The following PAMR1 variants were observed in gnomAD, a reference collection of about 807,000 sequenced individuals.
The protein encoded by PAMR1 is peptidase domain containing associated with muscle regeneration 1.
PAMR1 carries 88 observed loss-of-function variants against 81.8 expected under a neutral mutation model. That is an observed-to-expected ratio of 1.08 (90% CI 0.91 to 1.28). PAMR1 has a LOEUF of 1.28. Among genes scored for constraint, PAMR1 ranks in the 50% most tolerant of loss-of-function variants. PAMR1 has a pLI of 0.00. For missense variants in PAMR1, 935 were observed against 919.7 expected (o/e 1.02, Z -0.21); for synonymous variants, 336 against 345.3 (o/e 0.97, Z 0.30).
chr11:35,485,920 C>A (rs570539474), intron 3 of PAMR1, among the ~76,000 whole-genome samples: 1 of 152,206 alleles, frequency 6.6e-6, no homozygotes. Context: ...CATGGGGCTC[C>A]GGCGCTGTGT....
intron 6 of PAMR1, among the ~76,000 whole-genome samples, chr11:35,460,504 T>A (rs1481271309): frequency 6.6e-6 from 1 of 152,014 alleles, no homozygotes; most frequent in Non-Finnish European, 1.5e-5. Flanking sequence ...GGCCCTGGTG[T>A]GTGATGTTCC....
rs1338973186 is a variant in PAMR1 at position 35,434,403 on chromosome 11, C to T, written c.1626+109G>A. 8 of 1,050,014 alleles carry T rather than the reference C, an allele frequency of 7.6e-6. No homozygotes were observed. In the Middle Eastern group the frequency reaches 1.2e-3, roughly 152 times the overall value. The allele number at this position is 1,050,014 out of a possible 1,614,324, so 65.0% of individuals were successfully genotyped here. On this transcript the variant is annotated intron_variant, in intron 10 of 10. Transcript: ENST00000619888. ...ACGCTGCTATATGCGAGGCTCTGGG[C>T]TGGCTGCTGACATGCTAAGGGGACA...
intron 6 of PAMR1, among the ~76,000 whole-genome samples, chr11:35,455,035 A>G (rs1856500021): frequency 1.3e-5 from 2 of 152,252 alleles, no homozygotes; most frequent in Admixed American, 1.3e-4. Context: ...CCCAAGAATG[A>G]CAGCGACTGC....
chr11:35,434,110 C>T (rs80106476), intron 10 of PAMR1, among the ~76,000 whole-genome samples: 3,106 of 152,160 alleles, frequency 0.02, 82 homozygotes, highest in Admixed American at 0.068. Flanking sequence ...AATGACAAAT[C>T]ACAACATTCA....
At chr11:35,457,289 C>G (rs557624829) in intron 6 of PAMR1, among the ~76,000 whole-genome samples, 1 of 142,328 alleles carries the variant, frequency 7.0e-6, no homozygotes, top group South Asian at 2.2e-4. Context: ...TTTGGGTTAT[C>G]TCTCTGCCTG....
chr11:35,480,355 C>A (rs1850365694), intron 3 of PAMR1, among the ~76,000 whole-genome samples: 1 of 152,194 alleles, frequency 6.6e-6, no homozygotes, highest in Non-Finnish European at 1.5e-5. Flanking sequence ...TATCACAAAA[C>A]ACTCACATGG....
intron 3 of PAMR1, among the ~76,000 whole-genome samples, chr11:35,477,742 C>G (rs541790015): frequency 6.6e-6 from 1 of 152,138 alleles, no homozygotes; most frequent in Non-Finnish European, 1.5e-5. Context: ...CTAGTATCAA[C>G]GCTGAGTCTT....
chr11:35,528,148 T>A (rs1195138597), upstream of PAMR1, among the ~76,000 whole-genome samples: 1 of 152,166 alleles, frequency 6.6e-6, no homozygotes, highest in East Asian at 1.9e-4. Flanking sequence ...TATGCCCCTT[T>A]GGCATAAGGA....
At chr11:35,494,025 C>T in intron 2 of PAMR1, 71 bp downstream of exon 2, 3 of 1,211,062 alleles carry the variant, frequency 2.5e-6, no homozygotes, top group Non-Finnish European at 3.6e-6. Context: ...AGAATTCAGG[C>T]GTTCAGCCTG....
intron 6 of PAMR1, among the ~76,000 whole-genome samples, chr11:35,455,944 T>A (rs1856521277): frequency 6.6e-6 from 1 of 152,164 alleles, no homozygotes; most frequent in Non-Finnish European, 1.5e-5. Context: ...TTCCACTTAC[T>A]TATTCCCCAG....
chr11:35,473,001 A>T (rs1021965178), intron 4 of PAMR1, among the ~76,000 whole-genome samples: 3 of 152,182 alleles, frequency 2.0e-5, no homozygotes, highest in Non-Finnish European at 4.4e-5. Context: ...AGTGGAAGCC[A>T]GGAAGCCAGT....
At chr11:35,528,254 G>T (rs567402), upstream of PAMR1, among the ~76,000 whole-genome samples, 129,329 of 152,114 alleles carry the variant, frequency 0.85, 55,734 homozygotes, top group Middle Eastern at 0.93. Flanking sequence ...ATTTATAAAA[G>T]TATAGTGTCT....
chr11:35,434,915 G>T, intron 9 of PAMR1, 111 bp from the exon 10 acceptor site: 1 of 970,792 alleles, frequency 1.0e-6, no homozygotes, highest in Non-Finnish European at 1.5e-6. Flanking sequence ...GTATGGGCAT[G>T]ATGACCACTA....
chr11:35,478,250 C>G (rs1183493065), intron 3 of PAMR1, among the ~76,000 whole-genome samples: 3 of 152,188 alleles, frequency 2.0e-5, no homozygotes, highest in African/African-American at 7.2e-5. Context: ...TGGCCAGCTC[C>G]AGGGTCTCTT....
chr11:35,511,318 G>A (rs1002172608), intron 1 of PAMR1, among the ~76,000 whole-genome samples: 2 of 152,198 alleles, frequency 1.3e-5, no homozygotes, highest in African/African-American at 4.8e-5. Flanking sequence ...CTCAGGCATC[G>A]TCTGCAAGTG....
intron 2 of PAMR1, among the ~76,000 whole-genome samples, chr11:35,493,709 C>T (rs1204372416): frequency 3.3e-5 from 5 of 152,224 alleles, no homozygotes; most frequent in Non-Finnish European, 7.3e-5. Context: ...GTACCCCATG[C>T]TTCTCTATCA....
chr11:35,457,868 A>T (rs1378080977), intron 6 of PAMR1, among the ~76,000 whole-genome samples: 1 of 152,200 alleles, frequency 6.6e-6, no homozygotes, highest in African/African-American at 2.4e-5. Context: ...CTCACAGAGG[A>T]AGGGATATGA....
intron 6 of PAMR1, 34 bp from the exon 7 acceptor site, chr11:35,441,727 A>C (rs776910564): frequency 5.0e-5 from 72 of 1,443,166 alleles, no homozygotes; most frequent in East Asian, 1.6e-4. Context: ...AGAATTGTTA[A>C]AAGTCTGAGT....
At chr11:35,474,785 CAA>C in intron 3 of PAMR1, 41 bp from the exon 4 acceptor site, 1 of 1,389,082 alleles carries the variant, frequency 7.2e-7, no homozygotes, top group Non-Finnish European at 1.0e-6. Context: ...AAATGGAGGT[CAA>C]TAGGAAAGAG....
Sources: gnomAD v4.1 joint callset for allele counts (sites outside exome capture counted in the v4.1 genomes callset) on GRCh38, gnomAD v4.1.1 for gene constraint, MANE v1.5 for transcripts, NCBI Gene and HGNC (gene_info 2026-07-23, HGNC 2026-07-21) for gene names.